The following RBPMS variants were observed in gnomAD, a reference collection of about 807,000 sequenced individuals.
RBPMS encodes RNA binding protein, mRNA processing factor.
In RBPMS, 7 loss-of-function variants were observed where a neutral mutation model predicts 26.8. The observed-to-expected ratio is 0.26, with a 90% CI of 0.15 to 0.49. The LOEUF is 0.49. RBPMS is among the 20% of genes least tolerant of loss of function. The probability of loss-of-function intolerance (pLI) is 0.98; values close to 1 mark genes in which losing one functional copy is unlikely to be tolerated. For missense variants in RBPMS, 186 were observed against 250.0 expected (o/e 0.74, Z 1.73); for synonymous variants, 96 against 93.3 (o/e 1.03, Z -0.17).
intron 6 of RBPMS, chr8:30,549,535 C>T (rs1363448289): frequency 6.2e-7 from 1 of 1,614,180 alleles, no homozygotes; most frequent in Admixed American, 1.7e-5. Flanking sequence ...GAAGCCACCC[C>T]TTGAGCGCTC....
At chr8:30,386,539 T>G (rs1276592424) in intron 1 of RBPMS, among the ~76,000 whole-genome samples, 1 of 152,212 alleles carries the variant, frequency 6.6e-6, no homozygotes, top group Admixed American at 6.5e-5. Context: ...ACTTGCATGT[T>G]TTCTAATTAC....
intron 5 of RBPMS, chr8:30,537,456 G>C (rs1824912869): frequency 9.5e-6 from 4 of 419,816 alleles, no homozygotes; most frequent in South Asian, 1.7e-5. Context: ...GTGGAGTGGG[G>C]AGACGGTGGA....
intron 1 of RBPMS, among the ~76,000 whole-genome samples, chr8:30,386,129 A>T (rs574026173): frequency 4.0e-5 from 6 of 150,570 alleles, no homozygotes; most frequent in South Asian, 2.1e-4. Context: ...AGGAAAGTGC[A>T]CGTCTAAATA....
intron 1 of RBPMS, among the ~76,000 whole-genome samples, chr8:30,435,000 CCATCCATCCA>C (rs1453996842): frequency 8.9e-4 from 127 of 142,594 alleles, no homozygotes; most frequent in African/African-American, 3.4e-3. Context: ...AAGAAGACAT[CCATCCATCCA>C]TCCATCCATC....
intron 4 of RBPMS, among the ~76,000 whole-genome samples, chr8:30,500,015 TTC>T: frequency 6.6e-6 from 1 of 152,340 alleles, no homozygotes; most frequent in East Asian, 1.9e-4. Context: ...CAGAATAAAG[TTC>T]TTTGTTAAAA....
At chr8:30,560,015 C>G (rs13249960) in intron 7 of RBPMS, among the ~76,000 whole-genome samples, 57,323 of 152,122 alleles carry the variant, frequency 0.38, 10,836 homozygotes, top group Middle Eastern at 0.5. Context: ...AGAACAGGCC[C>G]CTGGTCAACT....
At chr8:30,429,969 T>A (rs1195990418) in intron 1 of RBPMS, among the ~76,000 whole-genome samples, 1 of 152,216 alleles carries the variant, frequency 6.6e-6, no homozygotes, top group Non-Finnish European at 1.5e-5. Context: ...ATACAGAAAC[T>A]TGGCAAATTT....
chr8:30,545,270 G>T, intron 6 of RBPMS: 2 of 1,211,578 alleles, frequency 1.7e-6, no homozygotes, highest in Non-Finnish European at 2.1e-6. Flanking sequence ...AAAATAGCCT[G>T]ATTTTTATAA....
At chr8:30,518,981 G>A (rs1181640672) in intron 5 of RBPMS, among the ~76,000 whole-genome samples, 1 of 151,996 alleles carries the variant, frequency 6.6e-6, no homozygotes, top group Admixed American at 6.6e-5. Flanking sequence ...TTATTAAAAA[G>A]TCTCTCCCTT....
At chr8:30,563,590 A>T (rs1413860033) in intron 7 of RBPMS, among the ~76,000 whole-genome samples, 2 of 152,202 alleles carry the variant, frequency 1.3e-5, no homozygotes, top group African/African-American at 2.4e-5. Context: ...ACATGTAGTT[A>T]CAGCCTCCCC....
intron 1 of RBPMS, among the ~76,000 whole-genome samples, chr8:30,427,985 T>TTC (rs1811536545): frequency 6.6e-6 from 1 of 151,570 alleles, no homozygotes; most frequent in Non-Finnish European, 1.5e-5. Flanking sequence ...AGCCAGAAGT[T>TTC]TGAGACCAGC....
intron 6 of RBPMS, among the ~76,000 whole-genome samples, chr8:30,557,483 C>T (rs778667019): frequency 8.5e-5 from 13 of 152,234 alleles, no homozygotes; most frequent in Non-Finnish European, 1.9e-4. Context: ...AGCTGGTGCC[C>T]ACACCTGTAA....
At chr8:30,461,647 G>A (rs1464374883) in intron 1 of RBPMS, among the ~76,000 whole-genome samples, 3 of 152,172 alleles carry the variant, frequency 2.0e-5, no homozygotes, top group Non-Finnish European at 4.4e-5. Context: ...CACCCGCCTT[G>A]ACCTCCCAAA....
Position 30,477,801 on chromosome 8 carries a change from C to G in RBPMS, c.147C>G (p.Gly49=). The part of the protein sequence containing the change: ...ELYLLFRPFK[G]YEGSLIKLTS... ...ACTTGGTTTTTCTTTATTTTCAGGG[C>G]TATGAGGGTTCTCTTATAAAGCTCA... is the stretch of plus-strand genomic sequence containing the variant. Residue 49 remains glycine, a splice_region_variant and synonymous_variant, in exon 3 of 9, where the codon GGC becomes GGG. Transcript: ENST00000397323. 1.2e-6 allele frequency: 2 copies of G among 1,607,062 alleles called. No individual in the cohort carries two copies. The highest frequency in any genetic ancestry group is 2.2e-5 in the South Asian group (2 of 90,782).
At chr8:30,410,174 A>ACACACACACACACG (rs1809173606) in intron 1 of RBPMS, among the ~76,000 whole-genome samples, 1 of 148,244 alleles carries the variant, frequency 6.7e-6, no homozygotes, top group Non-Finnish European at 1.5e-5. Flanking sequence ...ACACACACAC[A>ACACACACACACACG]CACACACACA....
chr8:30,522,294 C>T (rs926080755), intron 5 of RBPMS, among the ~76,000 whole-genome samples: 48 of 151,294 alleles, frequency 3.2e-4, no homozygotes, highest in African/African-American at 1.1e-3. Context: ...AAAAATCCAG[C>T]CTGGGCAACA....
intron 1 of RBPMS, among the ~76,000 whole-genome samples, chr8:30,439,617 TC>T (rs1001479904): frequency 6.6e-5 from 10 of 152,094 alleles, no homozygotes; most frequent in African/African-American, 2.2e-4. Context: ...CTTGCTTCCC[TC>T]TTGCTAATTG....
chr8:30,505,119 A>G (rs1820952471), intron 5 of RBPMS, among the ~76,000 whole-genome samples: 1 of 152,210 alleles, frequency 6.6e-6, no homozygotes, highest in African/African-American at 2.4e-5. Context: ...ATAACTTTAA[A>G]AGATTGAATT....
chr8:30,546,260 G>T (rs1196485606), intron 6 of RBPMS, among the ~76,000 whole-genome samples: 2 of 152,142 alleles, frequency 1.3e-5, no homozygotes, highest in African/African-American at 4.8e-5. Flanking sequence ...TGAAACAGTG[G>T]TTTGCATAGT....
Sources: allele counts gnomAD v4.1 joint callset (sites outside exome capture counted in the v4.1 genomes callset), GRCh38; gene constraint gnomAD v4.1.1; transcripts MANE v1.5; gene names NCBI Gene and HGNC (gene_info 2026-07-23, HGNC 2026-07-21).